DYSF: variants seen among roughly 807,000 people sequenced by gnomAD.
DYSF encodes dystrophy-associated fer-1-like 1.
Under a neutral mutation model 274.9 loss-of-function variants are expected in DYSF, and 212 were observed. That is an observed-to-expected ratio of 0.77 (90% CI 0.69 to 0.86). DYSF has a LOEUF of 0.86. DYSF is among the 40% of genes least tolerant of loss of function. DYSF has a pLI of 0.00. For synonymous variants in DYSF, 1,091 were observed against 1,078.7 expected (o/e 1.01, Z -0.22); for missense variants, 2,666 against 2,783.2 (o/e 0.96, Z 0.95).
intron 30 of DYSF, among the ~76,000 whole-genome samples, chr2:71,581,119 C>G (rs1158666575): frequency 6.6e-6 from 1 of 152,184 alleles, no homozygotes; most frequent in Non-Finnish European, 1.5e-5. Context: ...TCCTAATTAC[C>G]AAGGCACCCT....
chr2:71,643,033 G>C (rs906199495), intron 41 of DYSF, among the ~76,000 whole-genome samples: 4 of 152,208 alleles, frequency 2.6e-5, no homozygotes, highest in Admixed American at 1.3e-4. Context: ...TAATGGTACA[G>C]ATGGGCTCAG....
At chr2:71,624,246 G>C (rs2094164413) in intron 41 of DYSF, among the ~76,000 whole-genome samples, 1 of 152,168 alleles carries the variant, frequency 6.6e-6, no homozygotes, top group African/African-American at 2.4e-5. Flanking sequence ...GAACAGCTGT[G>C]GACAGTCAGT....
intron 14 of DYSF, among the ~76,000 whole-genome samples, chr2:71,528,758 G>A (rs2088283438): frequency 6.6e-6 from 1 of 152,204 alleles, no homozygotes; most frequent in Admixed American, 6.5e-5. Flanking sequence ...TTAAAGATGT[G>A]GGAGAAAAAC....
chr2:71,549,397 T>C (rs2090758309), intron 17 of DYSF: 9 of 1,611,648 alleles, frequency 5.6e-6, no homozygotes, highest in Non-Finnish European at 7.6e-6. Flanking sequence ...AGACTGTACG[T>C]TGCTGTCACC....
In DYSF at chr2:71,525,553, G is replaced by A. The variant is rs533963589; in HGVS notation, c.1150-667G>A. Among the ~76,000 whole-genome samples, 227 of 152,270 alleles carry A rather than the reference G, an allele frequency of 1.5e-3. 1 individual carries two copies. Among genetic ancestry groups the A allele is most frequent in the African/African-American group, 5.2e-3 (215 of 41,550 alleles). On this transcript the variant is annotated intron_variant, in intron 12 of 55. Transcript: ENST00000410020. ...CCAGGTGTTTCTAATGTGCCGCCAA[G>A]TTTGAGACCCATTCAAGGGAGGGGT...
At chr2:71,598,517 G>C in intron 32 of DYSF, 47 bp from the exon 33 acceptor site, 1 of 1,609,344 alleles carries the variant, frequency 6.2e-7, no homozygotes, top group Non-Finnish European at 8.5e-7. Flanking sequence ...CATCTCTCAG[G>C]GTCCCTGCTG....
In DYSF at chr2:71,680,891, C is replaced by CT. The variant is rs959527452; in HGVS notation, c.6064-101dup. 4.3e-4 allele frequency: 372 copies of CT among 861,900 alleles called. 1 individual carries two copies. The highest frequency in any genetic ancestry group is 4.6e-4 in the Non-Finnish European group (246 of 532,698). The allele number at this position is 861,900 out of a possible 1,614,324, so 53.4% of individuals were successfully genotyped here. On this transcript the variant is annotated intron_variant, in intron 53 of 55. Transcript: ENST00000410020. ...GCTTTTATGTTCAGAAACCCTACAT[C>CT]TTTTTTTTTAAATAATGAAGTGGCC...
intron 1 of DYSF, among the ~76,000 whole-genome samples, chr2:71,472,566 C>T (rs566134004): frequency 6.6e-6 from 1 of 152,186 alleles, no homozygotes; most frequent in Non-Finnish European, 1.5e-5. Flanking sequence ...ACCACCACGC[C>T]AGGCTAATTT....
intron 51 of DYSF, among the ~76,000 whole-genome samples, chr2:71,670,539 C>G (rs990377818): frequency 5.3e-5 from 8 of 152,226 alleles, no homozygotes; most frequent in African/African-American, 1.9e-4. Flanking sequence ...CAGCCATCAC[C>G]CTCCTCTCTC....
chr2:71,599,789 G>T (rs1388145913), intron 33 of DYSF, among the ~76,000 whole-genome samples: 5 of 152,330 alleles, frequency 3.3e-5, no homozygotes, highest in Non-Finnish European at 2.9e-5. Flanking sequence ...CAGGTTCCCT[G>T]GGTGGGTGTG....
intron 1 of DYSF, among the ~76,000 whole-genome samples, chr2:71,471,437 G>A (rs2082026360): frequency 6.6e-6 from 1 of 152,216 alleles, no homozygotes; most frequent in African/African-American, 2.4e-5. Flanking sequence ...TAGAGGCTGA[G>A]GATGCTGCTA....
chr2:71,677,243 G>C (rs1373209057), intron 52 of DYSF, among the ~76,000 whole-genome samples: 1 of 152,036 alleles, frequency 6.6e-6, no homozygotes, highest in Admixed American at 6.6e-5. Context: ...AAGAAAACTA[G>C]AAAAAGAGTT....
chr2:71,686,570 C>T lies in DYSF; in HGVS notation c.*78C>T, dbSNP rs367543759. The T allele has an allele frequency of 2.7e-4, 421 of 1,559,568 alleles. 2 individuals are homozygous for T. The highest frequency in any genetic ancestry group is 5.4e-4 in the South Asian group (49 of 90,000). ...GGCCTGCCTCCTCCGCCCAGCTCGG[C>T]GAGCTCCTCCAGACCTCCTAGGCCT... On this transcript the variant is annotated 3_prime_UTR_variant, in exon 56 of 56. Transcript: ENST00000410020.
intron 52 of DYSF, among the ~76,000 whole-genome samples, chr2:71,675,409 G>A (rs2095203410): frequency 6.6e-6 from 1 of 152,240 alleles, no homozygotes; most frequent in South Asian, 2.1e-4. Context: ...CCACTTGGGA[G>A]CAGGGTGGCC....
chr2:71,563,957 GGCCTCTGTGGCCTCTGAGTCAGAGGTCA>G (rs2091936279), intron 23 of DYSF, 73 bp from the exon 24 acceptor site: 5 of 1,509,038 alleles, frequency 3.3e-6, no homozygotes, highest in Non-Finnish European at 3.7e-6. Context: ...GGAGAGGAGA[GGCCTCTGTGGCCTCTGAGTCAGAGGTCA>G]GCTCACGGTG....
chr2:71,684,699 T>G (rs1170022248), intron 55 of DYSF, among the ~76,000 whole-genome samples: 1 of 152,090 alleles, frequency 6.6e-6, no homozygotes, highest in Admixed American at 6.5e-5. Flanking sequence ...CACTAGAAAC[T>G]CAGAGTCCCC....
chr2:71,487,289 A>G (rs2083441308), intron 3 of DYSF, among the ~76,000 whole-genome samples: 1 of 152,218 alleles, frequency 6.6e-6, no homozygotes, highest in African/African-American at 2.4e-5. Flanking sequence ...TGGACAGAGC[A>G]GCTTTAGATT....
At chr2:71,553,293 G>A (rs1421214307) in intron 20 of DYSF, 105 bp downstream of exon 20, 1 of 1,541,296 alleles carries the variant, frequency 6.5e-7, no homozygotes. Context: ...CTACTCAAAG[G>A]CCCTGGTCCT....
chr2:71,525,143 A>G (rs1279515442), intron 12 of DYSF, among the ~76,000 whole-genome samples: 2 of 151,626 alleles, frequency 1.3e-5, no homozygotes, highest in Admixed American at 1.3e-4. Context: ...CTGCATGGGT[A>G]CTCTCTCCCA....
Sources: allele counts gnomAD v4.1 joint callset (sites outside exome capture counted in the v4.1 genomes callset), GRCh38; gene constraint gnomAD v4.1.1; transcripts MANE v1.5; gene names NCBI Gene and HGNC (gene_info 2026-07-23, HGNC 2026-07-21).